CSMD1: variants seen among roughly 807,000 people sequenced by gnomAD.
CSMD1 encodes the protein CUB and sushi domain-containing protein 1.
CSMD1 carries 213 observed loss-of-function variants against 417.5 expected under a neutral mutation model. That is an observed-to-expected ratio of 0.51 (90% confidence interval 0.46 to 0.57). The LOEUF (loss-of-function observed/expected upper bound fraction) is 0.57, where lower values mean the gene tolerates loss of function less well. Ranked by LOEUF, CSMD1 falls within the 20% of genes least tolerant of loss-of-function variation. CSMD1 has a pLI of 0.00. For synonymous variants in CSMD1, 2,862 were observed against 1,736.8 expected (o/e 1.65, Z -16.11); for missense variants, 6,923 against 4,529.7 (o/e 1.53, Z -15.17).
At chr8:4,110,610 C>A (rs543034947) in intron 3 of CSMD1, among the ~76,000 whole-genome samples, 16 of 146,122 alleles carry the variant, frequency 1.1e-4, no homozygotes, top group African/African-American at 3.8e-4. Context: ...TTTGTACTTT[C>A]TCCCTAATAT....
chr8:4,831,804 G>C (rs752597499), intron 1 of CSMD1, among the ~76,000 whole-genome samples: 2 of 152,126 alleles, frequency 1.3e-5, no homozygotes, highest in Non-Finnish European at 2.9e-5. Flanking sequence ...TCAGGGACCA[G>C]CATCTCCCAC....
rs114475744 is a variant in CSMD1, at chr8:4,251,033, G to A, written c.415+168920C>T. ...AATGACAAGCATATTTTTAGATACT[G>A]GACACAAATTCAAGCCAGTAATCTG... On this transcript the variant is annotated intron_variant, in intron 3 of 69. Transcript: ENST00000635120. Among the ~76,000 whole-genome samples the A allele has an allele frequency of 5.8e-3, 877 of 152,234 alleles. 7 individuals carry two copies. The highest frequency in any genetic ancestry group is 0.02 in the African/African-American group (823 of 41,542).
intron 1 of CSMD1, among the ~76,000 whole-genome samples, chr8:4,841,930 A>AAAACAAAAAAAAAACAAAAC (rs1800864566): frequency 8.2e-6 from 1 of 122,426 alleles, no homozygotes; most frequent in Non-Finnish European, 1.7e-5. Context: ...AAAAAAAAAA[A>AAAACAAAAAAAAAACAAAAC]AAAAAAAAGT....
chr8:3,687,864 G>A (rs757519864), intron 7 of CSMD1, among the ~76,000 whole-genome samples: 2 of 152,220 alleles, frequency 1.3e-5, no homozygotes, highest in East Asian at 1.9e-4. Context: ...CACTCAGTGA[G>A]GACCAGAGTC....
intron 3 of CSMD1, among the ~76,000 whole-genome samples, chr8:4,189,859 T>C (rs1307974804): frequency 6.6e-6 from 1 of 152,200 alleles, no homozygotes; most frequent in Non-Finnish European, 1.5e-5. Context: ...TAATATTTTT[T>C]GTGGTACGTA....
chr8:3,075,358 C>T (rs75135114), intron 49 of CSMD1, among the ~76,000 whole-genome samples: 36,905 of 150,068 alleles, frequency 0.25, 5,405 homozygotes, highest in East Asian at 0.32. Context: ...CTCGGCTCAC[C>T]ACAACCTCCA....
intron 5 of CSMD1, among the ~76,000 whole-genome samples, chr8:3,842,852 T>A (rs7006681): frequency 0.11 from 17,224 of 152,120 alleles, 1,311 homozygotes; most frequent in African/African-American, 0.22. Context: ...TAAATGGGAA[T>A]ATAGGATTAA....
chr8:4,021,692 G>C (rs1052048522), intron 4 of CSMD1, among the ~76,000 whole-genome samples: 1 of 152,142 alleles, frequency 6.6e-6, no homozygotes, highest in Admixed American at 6.5e-5. Flanking sequence ...CTTGTTCGGA[G>C]TGACTATTTT....
At chr8:3,744,550 G>A (rs144194734) in intron 6 of CSMD1, among the ~76,000 whole-genome samples, 3 of 152,320 alleles carry the variant, frequency 2.0e-5, no homozygotes, top group African/African-American at 7.2e-5. Context: ...TTATTTTCAT[G>A]TCAGACTCCC....
intron 1 of CSMD1, among the ~76,000 whole-genome samples, chr8:4,980,628 C>A (rs750618581): frequency 6.6e-6 from 1 of 152,190 alleles, no homozygotes. Flanking sequence ...TCTAGCCAGG[C>A]ATGGTGGCTC....
chr8:4,109,438 G>A (rs1001352148), intron 3 of CSMD1, among the ~76,000 whole-genome samples: 1 of 152,112 alleles, frequency 6.6e-6, no homozygotes, highest in African/African-American at 2.4e-5. Context: ...TCATCTATTT[G>A]GGAATTGAGT....
intron 1 of CSMD1, among the ~76,000 whole-genome samples, chr8:4,940,770 A>T (rs1221260826): frequency 1.3e-5 from 2 of 152,212 alleles, no homozygotes; most frequent in Non-Finnish European, 2.9e-5. Flanking sequence ...TCAACATAGA[A>T]AATGAGGGGG....
In CSMD1 at chr8:4,994,324, C is replaced by G. The variant is rs1284231992; in HGVS notation, c.85+8G>C. On this transcript the variant is annotated splice_region_variant and intron_variant, in intron 1 of 69. Transcript: ENST00000635120. The stretch of plus-strand genomic sequence containing the variant: ...CCGCCTCCCCGGCCAGGAGCAAGTC[C>G]GTCTTACCCTTCGCTGCAGTGAGGA... The G allele has an allele frequency of 3.7e-6, 6 of 1,608,872 alleles. No individual in the cohort carries two copies. Among genetic ancestry groups the G allele is most frequent in the African/African-American group, 1.3e-5 (1 of 75,052 alleles).
chr8:4,083,216 T>G (rs1800234677), intron 3 of CSMD1, among the ~76,000 whole-genome samples: 1 of 152,270 alleles, frequency 6.6e-6, no homozygotes, highest in Middle Eastern at 3.4e-3. Context: ...GTTGAACTAG[T>G]TTACAGGCCC....
intron 26 of CSMD1, among the ~76,000 whole-genome samples, chr8:3,240,609 C>G (rs1047931516): frequency 6.6e-6 from 1 of 151,940 alleles, no homozygotes; most frequent in Non-Finnish European, 1.5e-5. Flanking sequence ...GGGTAATCTG[C>G]TGAGCCTGAT....
intron 7 of CSMD1, among the ~76,000 whole-genome samples, chr8:3,689,399 A>G (rs1055552313): frequency 2.0e-5 from 3 of 152,224 alleles, no homozygotes; most frequent in African/African-American, 7.2e-5. Context: ...CCCTTCGGTT[A>G]TACAATGTTT....
intron 7 of CSMD1, among the ~76,000 whole-genome samples, chr8:3,676,260 C>T (rs962343492): frequency 2.6e-5 from 4 of 152,120 alleles, no homozygotes; most frequent in Non-Finnish European, 5.9e-5. Flanking sequence ...GTTTTGATCC[C>T]TGGCCCTAAG....
At chr8:3,618,104 C>A (rs971580773) in intron 7 of CSMD1, among the ~76,000 whole-genome samples, 3 of 151,998 alleles carry the variant, frequency 2.0e-5, no homozygotes, top group African/African-American at 4.8e-5. Flanking sequence ...CAGGATCAAG[C>A]GATACTCCCG....
At chr8:4,297,764 T>G (rs893076247) in intron 3 of CSMD1, among the ~76,000 whole-genome samples, 3 of 152,154 alleles carry the variant, frequency 2.0e-5, no homozygotes, top group Non-Finnish European at 2.9e-5. Context: ...AGAACCAACA[T>G]CCTGTGAGAG....
Sources: gnomAD v4.1 joint callset for allele counts (sites outside exome capture counted in the v4.1 genomes callset) on GRCh38, gnomAD v4.1.1 for gene constraint, MANE v1.5 for transcripts, NCBI Gene and HGNC (gene_info 2026-07-23, HGNC 2026-07-21) for gene names.